DNTTIP2: variants seen among roughly 807,000 people sequenced by gnomAD.
DNTTIP2 encodes the protein deoxynucleotidyltransferase terminal-interacting protein 2.
Under a neutral mutation model 62.4 loss-of-function variants are expected in DNTTIP2, and 47 were observed. That is an observed-to-expected ratio of 0.75 (90% CI 0.60 to 0.96). The LOEUF (loss-of-function observed/expected upper bound fraction) is 0.96. Ranked by LOEUF, DNTTIP2 falls within the 40% of genes least tolerant of loss-of-function variation. The pLI, the probability that DNTTIP2 is intolerant of heterozygous loss-of-function variation, is 0.00. For synonymous variants in DNTTIP2, 322 were observed against 300.9 expected (o/e 1.07, Z -0.73); for missense variants, 870 against 849.1 (o/e 1.02, Z -0.31).
rs1656027936 is a variant in DNTTIP2, at chr1:93,876,996, A to C, written c.939T>G (p.Ile313Met). The C allele has an allele frequency of 6.2e-7, 1 of 1,612,734 alleles. No individual in the cohort carries two copies. The highest frequency in any genetic ancestry group is 1.7e-5 in the Admixed American group (1 of 59,944). ...ANGITDEGKE[I>M]NEKSSQLKNL... ...TCTTCAGCTGAGAACTTTTCTCATT[A>C]ATTTCTTTCCCCTCATCTGTTATTC... Residue 313 changes from isoleucine to methionine, a missense_variant, in exon 2 of 7, where the codon ATT becomes ATG. Ile to Met is a conservative substitution (Grantham distance 10). Coordinates refer to ENST00000436063, the MANE Select transcript of DNTTIP2 (RefSeq NM_014597.5).
chr1:93,875,914 AT>A, intron 2 of DNTTIP2, 131 bp from the exon 3 acceptor site: 1 of 910,550 alleles, frequency 1.1e-6, no homozygotes, highest in Non-Finnish European at 1.6e-6. Context: ...AAAGCATCTT[AT>A]TTTTATGAGG....
At position 93,867,034 on chromosome 1, in the gene DNTTIP2, A is replaced by T. The variant is rs1193259415; in HGVS notation, c.*2817T>A. 6.6e-6 allele frequency: 1 copy of T among 150,754 alleles called. No individual in the cohort carries two copies. Among genetic ancestry groups the T allele is most frequent in the Non-Finnish European group, 1.5e-5 (1 of 68,056 alleles). The allele number at this position is 150,754 out of a possible 1,614,324, so 9.3% of individuals were successfully genotyped here. A position where few individuals can be genotyped will look rare whatever the true frequency, so the allele number is the denominator to read the frequency against. On this transcript the variant is annotated 3_prime_UTR_variant, in exon 7 of 7. Transcript: ENST00000436063. ...TGGTGGGTGCCTGTTAATCCCAGGT[A>T]CTTGGGAGGCTGAGGCAGAATTGCT...
At chr1:93,878,010 A>T (rs1656059111) in intron 1 of DNTTIP2, 148 bp from the exon 2 acceptor site, 10 of 1,281,996 alleles carry the variant, frequency 7.8e-6, no homozygotes, top group South Asian at 6.5e-5. Context: ...CATGATTTTT[A>T]AAAAATCAAA....
At position 93,867,794 on chromosome 1, in the gene DNTTIP2, T is replaced by C. The variant is rs1655757964; in HGVS notation, c.*2057A>G. On this transcript the variant is annotated 3_prime_UTR_variant, in exon 7 of 7. Transcript: ENST00000436063. ...ATTTTATCCAGTAGAAGGCAAAACATAGTATTCCAGAAACAAAAGTAGTTT... is the reference window on the plus strand; with the variant it reads ...ATTTTATCCAGTAGAAGGCAAAACACAGTATTCCAGAAACAAAAGTAGTTT... 6.6e-6 allele frequency: 1 copy of C among 150,568 alleles called. No homozygotes were observed. Among genetic ancestry groups the C allele is most frequent in the Admixed American group, 6.7e-5 (1 of 15,006 alleles). 9.3% of individuals were successfully genotyped at this position (150,568 alleles called of 1,614,324 possible).
rs1655784197 is a variant in DNTTIP2 at position 93,868,852 on chromosome 1, TG to T, written c.*998del. ...GAACATCACACACTGGGGCCTGTTG[TG>T]GGTGGGGGACTAGGGGAGGGATAGC... On this transcript the variant is annotated 3_prime_UTR_variant, in exon 7 of 7. Coordinates refer to ENST00000436063, the MANE Select transcript of DNTTIP2 (RefSeq NM_014597.5). 6.6e-6 allele frequency: 1 copy of T among 151,854 alleles called. No individual in the cohort carries two copies. The highest frequency in any genetic ancestry group is 1.5e-5 in the Non-Finnish European group (1 of 68,008). The allele number at this position is 151,854 out of a possible 1,614,324, so 9.4% of individuals were successfully genotyped here.
In DNTTIP2 at chr1:93,866,602, A is replaced by G. The variant is rs2100878654; in HGVS notation, c.*3249T>C. On this transcript the variant is annotated 3_prime_UTR_variant, in exon 7 of 7. Coordinates refer to ENST00000436063, the MANE Select transcript of DNTTIP2 (RefSeq NM_014597.5). ...GAATGGGATCCTATTAATGTATACCAGTTACTAAGGTTTTGTTGAACTTTT... is the reference window on the plus strand; with the variant it reads ...GAATGGGATCCTATTAATGTATACCGGTTACTAAGGTTTTGTTGAACTTTT... The G allele has an allele frequency of 6.6e-6, 1 of 152,226 alleles. No individual in the cohort carries two copies. The highest frequency in any genetic ancestry group is 2.4e-5 in the African/African-American group (1 of 41,532). 9.4% of individuals were successfully genotyped at this position (152,226 alleles called of 1,614,324 possible).
chr1:93,876,516 C>G lies in DNTTIP2; in HGVS notation c.1419G>C (p.Glu473Asp). Residue 473 changes from glutamate to aspartate, a missense_variant, in exon 2 of 7, where the codon GAG (glutamate) becomes GAC (aspartate). Coordinates refer to ENST00000436063, the MANE Select transcript of DNTTIP2 (RefSeq NM_014597.5). Reference sequence around the variant, plus strand: ...GACTTCCTGTGTCTCCACTTAATGACTCCCTTTGGCCACTATTTTCAACAA... The same window carrying G: ...GACTTCCTGTGTCTCCACTTAATGAGTCCCTTTGGCCACTATTTTCAACAA... ...LCFVENSGQR[E>D]SLSGDTGSLS... is the part of the protein sequence containing the mutation. 1 of 1,613,974 alleles carries G rather than the reference C, an allele frequency of 6.2e-7. No individual in the cohort carries two copies. The highest frequency in any genetic ancestry group is 8.5e-7 in the Non-Finnish European group (1 of 1,179,882).
intron 3 of DNTTIP2, among the ~76,000 whole-genome samples, chr1:93,874,291 C>T (rs1655943895): frequency 3.9e-5 from 6 of 152,116 alleles, no homozygotes. Flanking sequence ...TGCTGTTAAA[C>T]ATCCTACTAT....
At chr1:93,875,414 T>C (rs1022059718) in intron 3 of DNTTIP2, among the ~76,000 whole-genome samples, 13 of 152,202 alleles carry the variant, frequency 8.5e-5, no homozygotes, top group African/African-American at 2.7e-4. Context: ...GGATCATAAT[T>C]GGTGGGTGTA....
chr1:93,877,112 C>A lies in DNTTIP2; in HGVS notation c.823G>T (p.Glu275Ter), dbSNP rs772406337. 3 of 1,611,346 alleles carry A rather than the reference C, an allele frequency of 1.9e-6. No individual in the cohort carries two copies. The highest frequency in any genetic ancestry group is 3.3e-5 in the Admixed American group (2 of 59,928). Reference sequence around the variant, plus strand: ...TGTTCGTGCACTGTTAATATATTTTCTGAACTTCTGTGGGAGAAATCATCA... The same window carrying A: ...TGTTCGTGCACTGTTAATATATTTTATGAACTTCTGTGGGAGAAATCATCA... ...FDDDFSHRSS[E>*]NILTVHEQAN... Residue 275 changes from glutamate to a stop codon, truncating the protein, a stop_gained, in exon 2 of 7, where the codon GAA (glutamate) becomes TAA (stop). Coordinates refer to ENST00000436063, the MANE Select transcript of DNTTIP2 (RefSeq NM_014597.5). LOFTEE classifies it high-confidence loss of function.
chr1:93,878,360 C>T (rs1656071119), intron 1 of DNTTIP2, among the ~76,000 whole-genome samples: 1 of 152,152 alleles, frequency 6.6e-6, no homozygotes, highest in Admixed American at 6.6e-5. Context: ...CCTGCATTTA[C>T]TTCACTAGCC....
At position 93,877,898 on chromosome 1, in the gene DNTTIP2, G is replaced by A. The variant is rs147545738; in HGVS notation, c.73-36C>T. 575 of 1,575,400 alleles carry A rather than the reference G, an allele frequency of 3.6e-4. 4 individuals carry two copies. The African/African-American group carries it at 6.6e-3, about 18-fold the overall frequency. On this transcript the variant is annotated intron_variant, in intron 1 of 6. Transcript: ENST00000436063. ...GAGAAAACACACTGTAATTTAGGTAGGGCTGGAACAAGGGCAAAGCAAATG... is the reference window on the plus strand; with the variant it reads ...GAGAAAACACACTGTAATTTAGGTAAGGCTGGAACAAGGGCAAAGCAAATG...
rs778236041 is a variant in DNTTIP2, at chr1:93,877,048, C to T, written c.887G>A (p.Cys296Tyr). Residue 296 changes from cysteine to tyrosine, a missense_variant, in exon 2 of 7, where the codon TGT becomes TAT. Cys to Tyr is a radical substitution (Grantham distance 194). Coordinates refer to ENST00000436063, the MANE Select transcript of DNTTIP2 (RefSeq NM_014597.5). The part of the protein sequence containing the change: ...VESLKETKQN[C>Y]KDLDEDANGI... ...ATTGGCATCTTCATCCAAATCCTTA[C>T]AATTCTGTTTTGTTTCTTTAAGAGA... 1.2e-6 allele frequency: 2 copies of T among 1,612,374 alleles called. No homozygotes were observed. Among genetic ancestry groups the T allele is most frequent in the Non-Finnish European group, 1.7e-6 (2 of 1,179,814 alleles).
Position 93,867,143 on chromosome 1 carries a change from C to CAAAAAAAAAAAAA in DNTTIP2, c.*2695_*2707dup, listed in dbSNP as rs372711956. 3 of 90,154 alleles carry CAAAAAAAAAAAAA rather than the reference C, an allele frequency of 3.3e-5. 1 individual carries two copies. Among genetic ancestry groups the CAAAAAAAAAAAAA allele is most frequent in the African/African-American group, 1.4e-4 (3 of 21,240 alleles). 5.6% of individuals were successfully genotyped at this position (90,154 alleles called of 1,614,324 possible). A position where few individuals can be genotyped will look rare whatever the true frequency, so the allele number is the denominator to read the frequency against. ...GGCGACAGAGCGAGAGTCCGTCTCT[C>CAAAAAAAAAAAAA]AAAAAAAAAAAAAAAAAAAGCATCT... On this transcript the variant is annotated 3_prime_UTR_variant, in exon 7 of 7. Transcript: ENST00000436063.
chr1:93,876,246 T>C (rs1313219664), intron 2 of DNTTIP2, 22 bp downstream of exon 2: 31 of 1,476,430 alleles, frequency 2.1e-5, no homozygotes, highest in African/African-American at 2.9e-5. Context: ...CAAAAACTTA[T>C]AAAAATAAAG....
In DNTTIP2 at chr1:93,867,264, C is replaced by G. The variant is rs1655744738; in HGVS notation, c.*2587G>C. 1 of 151,840 alleles carries G rather than the reference C, an allele frequency of 6.6e-6. No homozygotes were observed. The highest frequency in any genetic ancestry group is 1.5e-5 in the Non-Finnish European group (1 of 68,014). The allele number at this position is 151,840 out of a possible 1,614,324, so 9.4% of individuals were successfully genotyped here. A position where few individuals can be genotyped will look rare whatever the true frequency, so the allele number is the denominator to read the frequency against. On this transcript the variant is annotated 3_prime_UTR_variant, in exon 7 of 7. Coordinates refer to ENST00000436063, the MANE Select transcript of DNTTIP2 (RefSeq NM_014597.5). ...AGGTCTCTTTCACCAGCACACCTGA[C>G]TGTGGCAGCCCTTTGGATTCTTTAT... is the stretch of plus-strand genomic sequence containing the variant.
Position 93,869,324 on chromosome 1 carries a change from C to G in DNTTIP2, c.*527G>C, listed in dbSNP as rs1450828830. ...AAGGAAAACAGCTCCTCTGCCCAAGCTTTCTAGGTCATATTCTTCATATCT... is the reference window on the plus strand; with the variant it reads ...AAGGAAAACAGCTCCTCTGCCCAAGGTTTCTAGGTCATATTCTTCATATCT... On this transcript the variant is annotated 3_prime_UTR_variant, in exon 7 of 7. Coordinates refer to ENST00000436063, the MANE Select transcript of DNTTIP2 (RefSeq NM_014597.5). 6.6e-6 allele frequency: 1 copy of G among 152,238 alleles called. No homozygotes were observed. Among genetic ancestry groups the G allele is most frequent in the African/African-American group, 2.4e-5 (1 of 41,454 alleles). The allele number at this position is 152,238 out of a possible 1,614,324, so 9.4% of individuals were successfully genotyped here.
rs755121748 is a variant in DNTTIP2, at chr1:93,876,544, C to T, written c.1391G>A (p.Cys464Tyr). The T allele has an allele frequency of 6.2e-7, 1 of 1,614,026 alleles. No individual in the cohort carries two copies. Among genetic ancestry groups the T allele is most frequent in the Non-Finnish European group, 8.5e-7 (1 of 1,179,902 alleles). ...CCTTTGGCCACTATTTTCAACAAAA[C>T]ATAAAGTATCCTCTTCATTCTCACT... Reference protein sequence around the residue: ...ENSENEEDTLCFVENSGQRES... With the variant: ...ENSENEEDTLYFVENSGQRES... The change falls in exon 2 of 7, where the codon TGT becomes TAT. Residue 464 changes from cysteine (C) to tyrosine (Y), a missense_variant. By Grantham distance (194) the Cys-to-Tyr change is radical (BLOSUM62 -2). Coordinates refer to ENST00000436063, the MANE Select transcript of DNTTIP2 (RefSeq NM_014597.5).
Position 93,866,633 on chromosome 1 carries a change from T to C in DNTTIP2, c.*3218A>G, listed in dbSNP as rs1268054806. ...TAAGGTTTTGTTGAACTTTTTTATA[T>C]AGCCTCCCCACTCCCCACTCCTTTT... On this transcript the variant is annotated 3_prime_UTR_variant, in exon 7 of 7. Coordinates refer to ENST00000436063, the MANE Select transcript of DNTTIP2 (RefSeq NM_014597.5). The C allele has an allele frequency of 6.6e-6, 1 of 152,192 alleles. No homozygotes were observed. Among genetic ancestry groups the C allele is most frequent in the Non-Finnish European group, 1.5e-5 (1 of 68,036 alleles). The allele number at this position is 152,192 out of a possible 1,614,324, so 9.4% of individuals were successfully genotyped here. A position where few individuals can be genotyped will look rare whatever the true frequency, so the allele number is the denominator to read the frequency against.
Sources: allele counts gnomAD v4.1 joint callset (sites outside exome capture counted in the v4.1 genomes callset), GRCh38; gene constraint gnomAD v4.1.1; transcripts MANE v1.5; gene names NCBI Gene and HGNC (gene_info 2026-07-23, HGNC 2026-07-21).